The following CDK14 variants were observed in gnomAD, a reference collection of about 807,000 sequenced individuals.
The protein encoded by CDK14 is cyclin dependent kinase 14, also known as cyclin-dependent kinase 14.
Under a neutral mutation model 60.7 loss-of-function variants are expected in CDK14, and 34 were observed. The observed-to-expected ratio is 0.56, with a 90% CI of 0.43 to 0.75. CDK14 has a LOEUF of 0.75. Among genes scored for constraint, CDK14 ranks in the 30% least tolerant of loss-of-function variants. The probability of loss-of-function intolerance (pLI) is 0.00; values close to 1 mark genes in which losing one functional copy is unlikely to be tolerated. For synonymous variants in CDK14, 197 were observed against 203.7 expected (o/e 0.97, Z 0.28); for missense variants, 482 against 564.1 (o/e 0.85, Z 1.47).
intron 11 of CDK14, among the ~76,000 whole-genome samples, chr7:91,065,019 C>T (rs1006890855): frequency 6.6e-6 from 1 of 152,152 alleles, no homozygotes; most frequent in Non-Finnish European, 1.5e-5. Context: ...ACTAACCCCA[C>T]AATGTTATTT....
intron 2 of CDK14, among the ~76,000 whole-genome samples, chr7:90,679,723 T>C (rs568396805): frequency 2.4e-4 from 37 of 152,348 alleles, no homozygotes; most frequent in African/African-American, 8.7e-4. Flanking sequence ...GAATCAAAAG[T>C]AGTTTACTTT....
chr7:90,728,950 A>G (rs567425982), intron 3 of CDK14, among the ~76,000 whole-genome samples: 1 of 151,818 alleles, frequency 6.6e-6, no homozygotes, highest in Non-Finnish European at 1.5e-5. Flanking sequence ...TATTTTTTTT[A>G]GGACATATAA....
At chr7:90,655,530 A>T (rs1800733554) in intron 2 of CDK14, among the ~76,000 whole-genome samples, 1 of 152,238 alleles carries the variant, frequency 6.6e-6, no homozygotes, top group African/African-American at 2.4e-5. Flanking sequence ...ACTTAATCAC[A>T]TACTTAAGTA....
At chr7:91,180,674 T>C (rs1202436897) in intron 14 of CDK14, among the ~76,000 whole-genome samples, 1 of 152,156 alleles carries the variant, frequency 6.6e-6, no homozygotes, top group African/African-American at 2.4e-5. Flanking sequence ...ATGGAGTAGA[T>C]GAGGGTCTCT....
At chr7:90,875,869 C>T (rs1465180306) in intron 6 of CDK14, among the ~76,000 whole-genome samples, 1 of 152,090 alleles carries the variant, frequency 6.6e-6, no homozygotes, top group East Asian at 1.9e-4. Context: ...TTATTAATTT[C>T]TAAGGTACCT....
intron 4 of CDK14, among the ~76,000 whole-genome samples, chr7:90,768,542 G>A (rs2116883826): frequency 6.6e-6 from 1 of 152,300 alleles, no homozygotes; most frequent in Non-Finnish European, 1.5e-5. Context: ...TTTCTCATCT[G>A]CCACTTTCTT....
chr7:90,667,554 A>G (rs1234246989), intron 2 of CDK14, among the ~76,000 whole-genome samples: 1 of 148,214 alleles, frequency 6.7e-6, no homozygotes, highest in East Asian at 2.0e-4. Flanking sequence ...AAGTTCATCC[A>G]TGTTGTAGCA....
At chr7:90,985,772 G>A (rs1285423691) in intron 10 of CDK14, among the ~76,000 whole-genome samples, 1 of 152,068 alleles carries the variant, frequency 6.6e-6, no homozygotes, top group East Asian at 1.9e-4. Context: ...ACAACAAATG[G>A]ACAATCAGCA....
chr7:90,647,481 A>G (rs1270487166), intron 2 of CDK14, among the ~76,000 whole-genome samples: 3 of 149,902 alleles, frequency 2.0e-5, no homozygotes, highest in Non-Finnish European at 2.9e-5. Context: ...TAAAATCTCT[A>G]AAGAGACTGG....
At chr7:91,085,581 A>G (rs1798617542) in intron 12 of CDK14, among the ~76,000 whole-genome samples, 1 of 152,116 alleles carries the variant, frequency 6.6e-6, no homozygotes, top group Non-Finnish European at 1.5e-5. Context: ...TAACAGGTGG[A>G]CATCTTTGGG....
chr7:91,180,321 T>TAATAC (rs949998770), intron 14 of CDK14, among the ~76,000 whole-genome samples: 3 of 152,176 alleles, frequency 2.0e-5, no homozygotes, highest in Admixed American at 1.3e-4. Flanking sequence ...GTTTAAATAA[T>TAATAC]AATACAATTT....
chr7:90,912,647 G>A (rs1188553907), intron 7 of CDK14, among the ~76,000 whole-genome samples: 3 of 152,190 alleles, frequency 2.0e-5, no homozygotes, highest in South Asian at 2.1e-4. Context: ...TCACTTGGTC[G>A]CTCAGGCTGG....
chr7:90,742,103 A>C (rs1803371254), intron 3 of CDK14, among the ~76,000 whole-genome samples: 1 of 151,962 alleles, frequency 6.6e-6, no homozygotes, highest in Non-Finnish European at 1.5e-5. Context: ...CCTTTTGTTT[A>C]ATTAGTTAGT....
intron 12 of CDK14, among the ~76,000 whole-genome samples, chr7:91,098,486 C>A (rs576338806): frequency 1.2e-3 from 171 of 147,030 alleles, no homozygotes; most frequent in Non-Finnish European, 2.0e-3. Flanking sequence ...CACATGTACC[C>A]TAGAACTTAA....
At chr7:90,612,104 A>T (rs1334676325) in intron 2 of CDK14, among the ~76,000 whole-genome samples, 4 of 152,124 alleles carry the variant, frequency 2.6e-5, no homozygotes, top group Non-Finnish European at 4.4e-5. Context: ...AAGTGCTGGG[A>T]TTACAGGGGT....
chr7:90,680,703 C>T (rs1199148372), intron 2 of CDK14, among the ~76,000 whole-genome samples: 1 of 152,120 alleles, frequency 6.6e-6, no homozygotes, highest in African/African-American at 2.4e-5. Context: ...AGATCAGCTG[C>T]GGGAGTGTTT....
At chr7:90,620,450 G>A (rs1799742972) in intron 2 of CDK14, among the ~76,000 whole-genome samples, 1 of 152,088 alleles carries the variant, frequency 6.6e-6, no homozygotes, top group Admixed American at 6.6e-5. Context: ...CAGAATCTGG[G>A]TGTGAGTGGA....
At chr7:90,614,612 T>C (rs1799612302) in intron 2 of CDK14, among the ~76,000 whole-genome samples, 1 of 152,028 alleles carries the variant, frequency 6.6e-6, no homozygotes, top group Non-Finnish European at 1.5e-5. Flanking sequence ...AAAATTAATT[T>C]TTTTAAAAAA....
chr7:90,619,860 G>C (rs1040477644), intron 2 of CDK14, among the ~76,000 whole-genome samples: 1 of 152,172 alleles, frequency 6.6e-6, no homozygotes, highest in African/African-American at 2.4e-5. Context: ...AGCTGGTGTG[G>C]TGGCCCAAGC....
Sources: gnomAD v4.1 joint callset for allele counts (sites outside exome capture counted in the v4.1 genomes callset) on GRCh38, gnomAD v4.1.1 for gene constraint, MANE v1.5 for transcripts, NCBI Gene and HGNC (gene_info 2026-07-23, HGNC 2026-07-21) for gene names.